The following PATJ variants were observed in gnomAD, a reference collection of about 807,000 sequenced individuals.
PATJ encodes inaD-like protein.
PATJ carries 190 observed loss-of-function variants against 224.9 expected under a neutral mutation model. The ratio of observed to expected loss-of-function variants is 0.84; its 90% CI spans 0.75 to 0.95. The LOEUF is 0.95. Among genes scored for constraint, PATJ ranks in the 40% least tolerant of loss-of-function variants. PATJ has a pLI of 0.00. For synonymous variants in PATJ, 769 were observed against 820.3 expected (o/e 0.94, Z 1.07); for missense variants, 2,121 against 2,270.3 (o/e 0.93, Z 1.34).
At chr1:61,896,614 G>A (rs1670404234) in intron 22 of PATJ, among the ~76,000 whole-genome samples, 1 of 152,054 alleles carries the variant, frequency 6.6e-6, no homozygotes, top group Non-Finnish European at 1.5e-5. Context: ...CATGAGAGTT[G>A]GAAGGAGCCA....
chr1:61,932,503 G>A (rs1676179552), intron 27 of PATJ, among the ~76,000 whole-genome samples: 1 of 152,172 alleles, frequency 6.6e-6, no homozygotes, highest in East Asian at 1.9e-4. Flanking sequence ...AATGGTCAAG[G>A]GTGGAATGCT....
At position 62,007,671 on chromosome 1, in the gene PATJ, T is replaced by G. The variant is rs1243488463; in HGVS notation, c.3868-10185T>G. The stretch of plus-strand genomic sequence containing the variant: ...GACCATAGACATCTATTTCTCACAG[T>G]TCTGGAGGCTGAGAAGCCCAACATC... On this transcript the variant is annotated intron_variant, in intron 28 of 43. Coordinates refer to ENST00000642238, the MANE Select transcript of PATJ (RefSeq NM_001350145.3). Among the ~76,000 whole-genome samples the G allele has an allele frequency of 2.6e-5, 4 of 152,226 alleles. No homozygotes were observed. The East Asian group carries it at 7.7e-4, about 29-fold the overall frequency.
intron 14 of PATJ, among the ~76,000 whole-genome samples, 185 bp downstream of exon 14, chr1:61,808,715 T>C (rs955210581): frequency 6.6e-6 from 1 of 152,184 alleles, no homozygotes; most frequent in African/African-American, 2.4e-5. Context: ...TGAAGAACTT[T>C]CTTTAAATTC....
At chr1:62,113,969 T>C in intron 34 of PATJ, 84 bp from the exon 35 acceptor site, 3 of 1,325,764 alleles carry the variant, frequency 2.3e-6, no homozygotes, top group Non-Finnish European at 2.1e-6. Context: ...GATTCTTTAC[T>C]GGTTAGATCA....
intron 38 of PATJ, among the ~76,000 whole-genome samples, chr1:62,122,590 C>T (rs1234457859): frequency 1.3e-5 from 2 of 151,802 alleles, no homozygotes; most frequent in Non-Finnish European, 2.9e-5. Flanking sequence ...TTTGGGAGGC[C>T]GAGGCAGGTG....
intron 41 of PATJ, among the ~76,000 whole-genome samples, chr1:62,139,418 A>G (rs911104236): frequency 6.6e-6 from 1 of 151,080 alleles, no homozygotes; most frequent in African/African-American, 2.4e-5. Flanking sequence ...AAAAAAAAAA[A>G]AAAAAAAAGA....
At chr1:62,141,688 A>T (rs919645090) in intron 41 of PATJ, among the ~76,000 whole-genome samples, 2 of 122,268 alleles carry the variant, frequency 1.6e-5, no homozygotes, top group African/African-American at 6.9e-5. Context: ...AAAAAAAAAA[A>T]TACGGTGACT....
intron 29 of PATJ, among the ~76,000 whole-genome samples, chr1:62,021,931 AT>A (rs1647108077): frequency 6.6e-6 from 1 of 152,102 alleles, no homozygotes; most frequent in Non-Finnish European, 1.5e-5. Context: ...TATAAATTGT[AT>A]TTCTTTACAA....
At chr1:61,987,227 T>C (rs1035250268) in intron 27 of PATJ, among the ~76,000 whole-genome samples, 1 of 152,168 alleles carries the variant, frequency 6.6e-6, no homozygotes, top group Non-Finnish European at 1.5e-5. Context: ...GCCTGTGTAA[T>C]ATTGAGTCTT....
chr1:62,140,007 G>C (rs929813531), intron 41 of PATJ, among the ~76,000 whole-genome samples: 1 of 152,054 alleles, frequency 6.6e-6, no homozygotes, highest in Non-Finnish European at 1.5e-5. Flanking sequence ...TGATCTGCCT[G>C]CCTGGGCCTC....
Position 61,882,857 on chromosome 1 carries a change from C to T in PATJ, c.2960-1380C>T, listed in dbSNP as rs543639070. Among the ~76,000 whole-genome samples the T allele has an allele frequency of 9.1e-4, 138 of 152,322 alleles. 1 individual carries two copies. Among genetic ancestry groups the T allele is most frequent in the Middle Eastern group, 3.4e-3 (1 of 294 alleles). On this transcript the variant is annotated intron_variant, in intron 21 of 43. Coordinates refer to ENST00000642238, the MANE Select transcript of PATJ (RefSeq NM_001350145.3). ...CTGGATCTACAGGCATGAGCACCTG[C>T]GCCTGGCCAATATTCTGCTTTTAAA... is the stretch of plus-strand genomic sequence containing the variant.
chr1:61,991,476 C>T lies in PATJ; in HGVS notation c.3867+1112C>T, dbSNP rs913302898. ...CTGATTTTGCATTTTACGATTTCCT[C>T]CTCAGACTCTGACTCAGAATAGAAT... On this transcript the variant is annotated intron_variant, in intron 28 of 43. Transcript: ENST00000642238. 1.1e-5 allele frequency: 11 copies of T among 984,926 alleles called. 1 individual carries two copies. The African/African-American group carries it at 1.7e-4, about 16-fold the overall frequency. The allele number at this position is 984,926 out of a possible 1,614,324, so 61.0% of individuals were successfully genotyped here. A position where few individuals can be genotyped will look rare whatever the true frequency, so the allele number is the denominator to read the frequency against.
At chr1:61,990,059 C>CA in intron 27 of PATJ, 109 bp from the exon 28 acceptor site, 1 of 864,542 alleles carries the variant, frequency 1.2e-6, no homozygotes, top group Non-Finnish European at 1.7e-6. Flanking sequence ...TCTTAAAAAA[C>CA]AAAAAAGGTA....
At chr1:61,751,984 C>G (rs1645358394) in intron 1 of PATJ, among the ~76,000 whole-genome samples, 1 of 151,642 alleles carries the variant, frequency 6.6e-6, no homozygotes, top group Non-Finnish European at 1.5e-5. Context: ...ACTAAAAATA[C>G]AAAATTAGCC....
Position 61,763,121 on chromosome 1 carries a change from G to C in PATJ, c.131G>C (p.Ser44Thr). ...KLSMFYETLKSPLFNQILTLQ... is the reference protein window; with the variant it reads ...KLSMFYETLKTPLFNQILTLQ... The stretch of plus-strand genomic sequence containing the variant: ...TCTATGTTTTATGAGACACTAAAGA[G>C]TCCTCTCTTCAACCAGATACTCACA... Residue 44 changes from serine (S) to threonine (T), a missense_variant, in exon 3 of 44, where the codon AGT becomes ACT. Coordinates refer to ENST00000642238, the MANE Select transcript of PATJ (RefSeq NM_001350145.3). 1 of 1,609,040 alleles carries C rather than the reference G, an allele frequency of 6.2e-7. No homozygotes were observed. The highest frequency in any genetic ancestry group is 1.1e-5 in the South Asian group (1 of 90,280).
intron 28 of PATJ, among the ~76,000 whole-genome samples, chr1:61,997,982 T>TTTTTTATATATA (rs374175697): frequency 1.7e-5 from 2 of 118,338 alleles, no homozygotes; most frequent in African/African-American, 3.9e-5. Flanking sequence ...TGTGCCCAGC[T>TTTTTTATATATA]TATATATGTA....
chr1:62,071,718 G>A (rs1026210464), intron 31 of PATJ, among the ~76,000 whole-genome samples: 1 of 152,110 alleles, frequency 6.6e-6, no homozygotes, highest in South Asian at 2.1e-4. Context: ...CTGACCTCAG[G>A]TGATCCACCG....
chr1:61,762,727 G>T, intron 1 of PATJ, 131 bp from the exon 2 acceptor site: 1 of 477,098 alleles, frequency 2.1e-6, no homozygotes, highest in Non-Finnish European at 3.8e-6. Flanking sequence ...CCTCATTGTG[G>T]TTATAATTTT....
chr1:62,116,399 G>A, intron 35 of PATJ, 133 bp from the exon 36 acceptor site: 1 of 1,074,474 alleles, frequency 9.3e-7, no homozygotes, highest in Non-Finnish European at 1.3e-6. Context: ...ACCAAGGTAT[G>A]AAAGAAACAA....
Sources: gnomAD v4.1 joint callset for allele counts (sites outside exome capture counted in the v4.1 genomes callset) on GRCh38, gnomAD v4.1.1 for gene constraint, MANE v1.5 for transcripts, NCBI Gene and HGNC (gene_info 2026-07-23, HGNC 2026-07-21) for gene names.